The following TG variants were observed in gnomAD, a reference collection of about 807,000 sequenced individuals.
The protein encoded by TG is thyroglobulin.
Under a neutral mutation model 324.7 loss-of-function variants are expected in TG, and 270 were observed. The observed-to-expected ratio is 0.83, with a 90% CI of 0.75 to 0.92. TG has a LOEUF of 0.92. Among genes scored for constraint, TG ranks in the 40% least tolerant of loss-of-function variants. TG has a pLI of 0.00. For synonymous variants in TG, 1,401 were observed against 1,327.0 expected, an observed-to-expected ratio of 1.06 and a Z score of -1.21; for missense variants, 3,591 against 3,456.4, an observed-to-expected ratio of 1.04 and a Z score of -0.98.
At chr8:132,912,355 G>C (rs1040893921) in intron 19 of TG, among the ~76,000 whole-genome samples, 1 of 152,170 alleles carries the variant, frequency 6.6e-6, no homozygotes, top group Non-Finnish European at 1.5e-5. Context: ...TGAGATGTTT[G>C]CTTGTTTCAA....
intron 26 of TG, 137 bp downstream of exon 26, chr8:132,941,679 G>C (rs1156822918): frequency 5.4e-6 from 5 of 921,942 alleles, no homozygotes; most frequent in Admixed American, 2.0e-5. Context: ...TGACAGTCAA[G>C]TACACAATAC....
chr8:132,916,692 T>C (rs900276712), intron 20 of TG, among the ~76,000 whole-genome samples: 2 of 152,184 alleles, frequency 1.3e-5, no homozygotes, highest in Non-Finnish European at 2.9e-5. Flanking sequence ...GAGACCTTAT[T>C]TGCAGCCCTG....
intron 35 of TG, among the ~76,000 whole-genome samples, chr8:132,988,486 C>T (rs1831890129): frequency 6.6e-6 from 1 of 152,058 alleles, no homozygotes; most frequent in Admixed American, 6.5e-5. Context: ...GGGCTTGAAG[C>T]AGTGGAACAA....
At chr8:132,910,390 C>A (rs913376228) in intron 18 of TG, among the ~76,000 whole-genome samples, 2 of 152,202 alleles carry the variant, frequency 1.3e-5, no homozygotes, top group African/African-American at 4.8e-5. Context: ...ACTCTCTAGG[C>A]ACCCAAGCTT....
chr8:133,056,913 G>A (rs570575524), intron 41 of TG, among the ~76,000 whole-genome samples: 10 of 152,278 alleles, frequency 6.6e-5, no homozygotes, highest in East Asian at 1.9e-4. Context: ...TTCAGCTGGC[G>A]GCTACCTTCC....
chr8:132,911,296 A>G (rs1270840638), intron 18 of TG, 81 bp from the exon 19 acceptor site: 1 of 1,613,188 alleles, frequency 6.2e-7, no homozygotes. Context: ...ACATAAGCCA[A>G]GTTCTGGTTC....
chr8:133,039,660 A>G (rs1021063232), intron 41 of TG, among the ~76,000 whole-genome samples: 3 of 152,220 alleles, frequency 2.0e-5, no homozygotes, highest in African/African-American at 7.2e-5. Flanking sequence ...TTTACACAGG[A>G]TGTGTTACTT....
intron 5 of TG, among the ~76,000 whole-genome samples, chr8:132,876,814 C>G (rs1813869997): frequency 6.6e-6 from 1 of 152,234 alleles, no homozygotes; most frequent in African/African-American, 2.4e-5. Context: ...TCAAGCAGGG[C>G]TAATGCCATT....
rs1814781882 is a variant in TG at position 132,882,468 on chromosome 8, G to GCAA, written c.746-1_746insCAA (p.Gly249delinsAlaSer). On this transcript the variant is annotated protein_altering_variant and splice_region_variant. Transcript: ENST00000220616. ...CTGAAAGTCTTGCTGTCTTTGCTCA[G>GCAA]GTTTGGAGTTGTTACTGGATGAAAT... 1.4e-5 allele frequency: 22 copies of GCAA among 1,614,086 alleles called. No homozygotes were observed. The highest frequency in any genetic ancestry group is 1.8e-5 in the Non-Finnish European group (21 of 1,180,042).
intron 24 of TG, among the ~76,000 whole-genome samples, chr8:132,933,972 G>A (rs1431794918): frequency 3.9e-5 from 6 of 152,090 alleles, no homozygotes; most frequent in African/African-American, 7.2e-5. Flanking sequence ...AGATGTGAGG[G>A]GGCCCTAAAC....
At chr8:133,050,918 G>A (rs1840282124) in intron 41 of TG, 3 of 1,604,466 alleles carry the variant, frequency 1.9e-6, no homozygotes, top group Non-Finnish European at 1.7e-6. Context: ...ATCCAGTCCT[G>A]GGGAAACAAA....
At chr8:133,019,257 G>C (rs1303541161) in intron 38 of TG, among the ~76,000 whole-genome samples, 3 of 152,160 alleles carry the variant, frequency 2.0e-5, no homozygotes, top group Non-Finnish European at 4.4e-5. Flanking sequence ...CCCTCCAGAG[G>C]AGAGTCTGCA....
chr8:132,973,260 T>C (rs1256635763), intron 34 of TG, among the ~76,000 whole-genome samples: 1 of 152,184 alleles, frequency 6.6e-6, no homozygotes, highest in African/African-American at 2.4e-5. Context: ...CACATTTCCT[T>C]GGTTTTCTTA....
At chr8:133,059,178 C>T (rs747130684) in intron 41 of TG, 1 of 455,820 alleles carries the variant, frequency 2.2e-6, no homozygotes, top group Non-Finnish European at 4.4e-6. Flanking sequence ...TGCTGGGAAC[C>T]ATGTGTGGTC....
chr8:132,881,959 G>C lies in TG; in HGVS notation c.735G>C (p.Leu245=), dbSNP rs1228621731. The change falls in exon 6 of 48, where the codon CTG becomes CTC. Residue 245 remains leucine, a synonymous_variant. Coordinates refer to ENST00000220616, the MANE Select transcript of TG (RefSeq NM_003235.5). ...GTGCTGACAGCCAAGGGCGGGAACT[G>C]GCTGAGACAGGTGAGTGATACCCCT... is the stretch of plus-strand genomic sequence containing the variant. ...CHCADSQGRE[L]AETGLELLLD... is the part of the protein sequence containing the mutation. 1 of 1,611,968 alleles carries C rather than the reference G, an allele frequency of 6.2e-7. No homozygotes were observed. The highest frequency in any genetic ancestry group is 8.5e-7 in the Non-Finnish European group (1 of 1,178,120).
At position 132,893,914 on chromosome 8, in the gene TG, C is replaced by T; in HGVS notation, c.2986C>T (p.Leu996=). The stretch of plus-strand genomic sequence containing the variant: ...GCGTGGGAGTGATTACGCCATTCGC[C>T]TGGCGGCTCAGTCTAGTGAGTGTGG... The part of the protein sequence containing the change: ...FLRGSDYAIR[L]AAQSTLSFYQ... Residue 996 remains leucine, a synonymous_variant, in exon 11 of 48, where the codon CTG becomes TTG. Coordinates refer to ENST00000220616, the MANE Select transcript of TG (RefSeq NM_003235.5). The T allele has an allele frequency of 6.2e-7, 1 of 1,614,040 alleles. No individual in the cohort carries two copies. The highest frequency in any genetic ancestry group is 8.5e-7 in the Non-Finnish European group (1 of 1,179,954).
chr8:132,966,197 T>A (rs1443286859), intron 29 of TG, among the ~76,000 whole-genome samples: 2 of 152,186 alleles, frequency 1.3e-5, no homozygotes, highest in Non-Finnish European at 2.9e-5. Context: ...AATGATGTCA[T>A]GTGGAGCTAT....
At chr8:133,039,028 C>A (rs1366745142) in intron 41 of TG, among the ~76,000 whole-genome samples, 1 of 152,158 alleles carries the variant, frequency 6.6e-6, no homozygotes, top group Non-Finnish European at 1.5e-5. Flanking sequence ...CAACCATCCA[C>A]CACCACGCCC....
intron 43 of TG, among the ~76,000 whole-genome samples, chr8:133,109,353 C>T (rs1294181227): frequency 2.0e-5 from 3 of 152,146 alleles, no homozygotes; most frequent in Admixed American, 2.0e-4. Context: ...GATTAAAAAG[C>T]ATGTGTCTAG....
Sources: allele counts gnomAD v4.1 joint callset (sites outside exome capture counted in the v4.1 genomes callset), GRCh38; gene constraint gnomAD v4.1.1; transcripts MANE v1.5; gene names NCBI Gene and HGNC (gene_info 2026-07-23, HGNC 2026-07-21).